SPPL3: variants seen among roughly 807,000 people sequenced by gnomAD.
SPPL3 encodes the protein signal peptide peptidase like 3, also known as signal peptide peptidase-like 3.
SPPL3 carries 5 observed loss-of-function variants against 42.4 expected under a neutral mutation model. That is an observed-to-expected ratio of 0.12 (90% CI 0.06 to 0.25). The LOEUF (loss-of-function observed/expected upper bound fraction) is 0.25, where lower values mean the gene tolerates loss of function less well. Ranked by LOEUF, SPPL3 falls within the 10% of genes least tolerant of loss-of-function variation. The pLI is 1.00. For synonymous variants in SPPL3, 195 were observed against 181.8 expected, an observed-to-expected ratio of 1.07 and a Z score of -0.58; for missense variants, 235 against 489.0, an observed-to-expected ratio of 0.48 and a Z score of 4.90.
chr12:120,879,671 T>G (rs1466463824), intron 1 of SPPL3, among the ~76,000 whole-genome samples: 2 of 152,130 alleles, frequency 1.3e-5, no homozygotes, highest in African/African-American at 4.8e-5. Flanking sequence ...AGAGAACCAT[T>G]AATTGCAGAG....
chr12:120,891,336 G>T lies in SPPL3; in HGVS notation c.23+12509C>A, dbSNP rs115537677. ...AAATGTCTGGTTTATGCCTATTCCA[G>T]ATGACGGTGTTATTTAATTCTGACC... On this transcript the variant is annotated intron_variant, in intron 1 of 10. Transcript: ENST00000353487. Among the ~76,000 whole-genome samples the T allele has an allele frequency of 3.8e-3, 583 of 152,156 alleles. 4 individuals carry two copies. The highest frequency in any genetic ancestry group is 0.013 in the African/African-American group (521 of 41,498).
intron 1 of SPPL3, among the ~76,000 whole-genome samples, chr12:120,861,779 T>C (rs1169430976): frequency 1.3e-5 from 2 of 152,220 alleles, no homozygotes; most frequent in African/African-American, 2.4e-5. Context: ...TCCTTGTTAC[T>C]TGTATTATGA....
Position 120,811,743 on chromosome 12 carries a change from C to A in SPPL3, c.24-857G>T, listed in dbSNP as rs146516512. Among the ~76,000 whole-genome samples, 118 of 152,242 alleles carry A rather than the reference C, an allele frequency of 7.8e-4. 1 individual carries two copies. The highest frequency in any genetic ancestry group is 1.4e-3 in the Non-Finnish European group (95 of 68,020). ...CAAAGTATTTAATACTGCTTACATG[C>A]CAGGCACTCTGCTAGCCACTGGGAT... On this transcript the variant is annotated intron_variant, in intron 1 of 10. Transcript: ENST00000353487.
At chr12:120,809,397 G>A (rs1236767808) in intron 2 of SPPL3, among the ~76,000 whole-genome samples, 1 of 151,748 alleles carries the variant, frequency 6.6e-6, no homozygotes, top group Non-Finnish European at 1.5e-5. Context: ...GAAATTACCC[G>A]TAATATTTTA....
intron 1 of SPPL3, among the ~76,000 whole-genome samples, chr12:120,847,661 G>C (rs1872087249): frequency 6.6e-6 from 1 of 151,852 alleles, no homozygotes; most frequent in Non-Finnish European, 1.5e-5. Flanking sequence ...AAACTCCTGA[G>C]CTCAAGTGAC....
chr12:120,805,649 A>G (rs1352809065), intron 2 of SPPL3, among the ~76,000 whole-genome samples: 1 of 152,232 alleles, frequency 6.6e-6, no homozygotes, highest in Non-Finnish European at 1.5e-5. Context: ...AGCACTAATA[A>G]ATGAGTTCAG....
chr12:120,903,825 TC>T lies in SPPL3; in HGVS notation c.23+19del. 7.1e-7 allele frequency: 1 copy of T among 1,401,740 alleles called. No homozygotes were observed. The highest frequency in any genetic ancestry group is 1.3e-5 in the South Asian group (1 of 75,442). The allele number at this position is 1,401,740 out of a possible 1,614,324, so 86.8% of individuals were successfully genotyped here. On this transcript the variant is annotated intron_variant, in intron 1 of 10. Transcript: ENST00000353487. ...CCCCCACCCTTGCCGCCTCCCGGCCTCCCGGAGCCCCGCACTCACCACGAGT... is the reference window on the plus strand; with the variant it reads ...CCCCCACCCTTGCCGCCTCCCGGCCTCCGGAGCCCCGCACTCACCACGAGT...
intron 2 of SPPL3, among the ~76,000 whole-genome samples, chr12:120,806,676 G>A (rs573543431): frequency 1.3e-5 from 2 of 151,854 alleles, no homozygotes; most frequent in Admixed American, 1.3e-4. Context: ...GTGAAACCAC[G>A]TCTCTACTAA....
At chr12:120,850,921 G>T (rs1453027508) in intron 1 of SPPL3, among the ~76,000 whole-genome samples, 1 of 152,156 alleles carries the variant, frequency 6.6e-6, no homozygotes, top group Non-Finnish European at 1.5e-5. Flanking sequence ...GGACCTGTGT[G>T]ATTATATTGG....
At chr12:120,800,127 A>T (rs1870238911) in intron 2 of SPPL3, among the ~76,000 whole-genome samples, 1 of 152,224 alleles carries the variant, frequency 6.6e-6, no homozygotes, top group Non-Finnish European at 1.5e-5. Context: ...CTATACAGTA[A>T]CATAATATGA....
At chr12:120,859,686 T>C (rs985218314) in intron 1 of SPPL3, among the ~76,000 whole-genome samples, 10 of 151,778 alleles carry the variant, frequency 6.6e-5, no homozygotes, top group African/African-American at 2.4e-4. Flanking sequence ...CCGGGTGCAG[T>C]GGCTCCCAGC....
At chr12:120,805,452 G>A (rs1399694945) in intron 2 of SPPL3, among the ~76,000 whole-genome samples, 2 of 152,208 alleles carry the variant, frequency 1.3e-5, no homozygotes, top group Admixed American at 1.3e-4. Flanking sequence ...TTTCCCTGAA[G>A]GATTAGGAAC....
chr12:120,893,995 T>G (rs1160089978), intron 1 of SPPL3, among the ~76,000 whole-genome samples: 1 of 152,188 alleles, frequency 6.6e-6, no homozygotes, highest in Non-Finnish European at 1.5e-5. Flanking sequence ...AATCTTTACT[T>G]CTAAAAGTAG....
chr12:120,804,072 T>G (rs963832141), intron 2 of SPPL3, among the ~76,000 whole-genome samples: 1 of 152,184 alleles, frequency 6.6e-6, no homozygotes, highest in Non-Finnish European at 1.5e-5. Flanking sequence ...AACCTGATGT[T>G]GTCTTCCTAG....
In SPPL3 at chr12:120,791,534, T is replaced by C. The variant is rs1284222546; in HGVS notation, c.125A>G (p.Asn42Ser). 1 of 1,605,708 alleles carries C rather than the reference T, an allele frequency of 6.2e-7. No individual in the cohort carries two copies. The highest frequency in any genetic ancestry group is 8.5e-7 in the Non-Finnish European group (1 of 1,178,338). The part of the protein sequence containing the change: ...SFRSLNMDFE[N>S]QDKEKDSNSS... ...ATTACTGTCTTTCTCCTTATCTTGA[T>C]TTTCAAAGTCCATATTAAGGGACCT... The change falls in exon 3 of 11, where the codon AAT becomes AGT. Residue 42 changes from asparagine to serine, a missense_variant. Physicochemically the swap from Asn to Ser is conservative, Grantham distance 46 (BLOSUM62 1). This residue lies in a region of SPPL3 where 110 missense variants were observed against 186.2 expected (regional missense o/e 0.59). Coordinates refer to ENST00000353487, the MANE Select transcript of SPPL3 (RefSeq NM_139015.5).
At chr12:120,800,630 AT>A (rs1259892677) in intron 2 of SPPL3, among the ~76,000 whole-genome samples, 1 of 152,212 alleles carries the variant, frequency 6.6e-6, no homozygotes, top group Non-Finnish European at 1.5e-5. Flanking sequence ...ATCCATCTAA[AT>A]TATAGCATAT....
chr12:120,774,219 G>C (rs998068391), intron 6 of SPPL3, among the ~76,000 whole-genome samples: 3 of 152,256 alleles, frequency 2.0e-5, no homozygotes, highest in East Asian at 1.9e-4. Flanking sequence ...TGTTACTGCA[G>C]ACCTTGCTCA....
At chr12:120,775,065 T>G (rs1381868530) in intron 6 of SPPL3, among the ~76,000 whole-genome samples, 2 of 151,916 alleles carry the variant, frequency 1.3e-5, no homozygotes, top group Non-Finnish European at 2.9e-5. Flanking sequence ...ACCTGTAAGG[T>G]TTCTAAGCAG....
chr12:120,821,616 C>T (rs955333896), intron 1 of SPPL3, among the ~76,000 whole-genome samples: 2 of 152,174 alleles, frequency 1.3e-5, no homozygotes. Flanking sequence ...AAATAAATCT[C>T]CTTAAAAACT....
Sources: allele counts gnomAD v4.1 joint callset (sites outside exome capture counted in the v4.1 genomes callset), GRCh38; gene constraint gnomAD v4.1.1; regional missense constraint gnomAD v4.1.1; transcripts MANE v1.5; gene names NCBI Gene and HGNC (gene_info 2026-07-23, HGNC 2026-07-21).